Variants in LRBA observed in about 807,000 individuals in gnomAD.
LRBA encodes LPS responsive beige-like anchor protein.
LRBA carries 176 observed loss-of-function variants against 330.0 expected under a neutral mutation model. The observed-to-expected ratio is 0.53, with a 90% CI of 0.47 to 0.60. LRBA has a LOEUF of 0.60. Ranked by LOEUF, LRBA falls within the 20% of genes least tolerant of loss-of-function variation. LRBA has a pLI of 0.00. For synonymous variants in LRBA, 1,230 were observed against 1,193.0 expected (o/e 1.03, Z -0.64); for missense variants, 3,259 against 3,444.8 (o/e 0.95, Z 1.35).
At chr4:150,849,119 G>C (rs1242988904) in intron 25 of LRBA, 121 bp from the exon 26 acceptor site, 2 of 662,552 alleles carry the variant, frequency 3.0e-6, no homozygotes, top group East Asian at 2.9e-5. Flanking sequence ...TAGTAACACA[G>C]AGTGATTTAT....
At position 150,280,890 on chromosome 4, in the gene LRBA, T is replaced by C. The variant is rs141454683; in HGVS notation, c.8316+1560A>G. On this transcript the variant is annotated intron_variant, in intron 55 of 56. Coordinates refer to ENST00000651943, the MANE Select transcript of LRBA (RefSeq NM_001364905.1). The stretch of plus-strand genomic sequence containing the variant: ...AGGCAAGCTCGCTTTAATCACACAG[T>C]TGCCACTTGCAAGTTAGCATGATAA... Among the ~76,000 whole-genome samples the C allele has an allele frequency of 2.6e-5, 4 of 152,284 alleles. No homozygotes were observed. In the East Asian group the frequency reaches 7.7e-4, roughly 29 times the overall value.
intron 2 of LRBA, among the ~76,000 whole-genome samples, chr4:150,955,931 T>G (rs1253861726): frequency 6.7e-6 from 1 of 148,410 alleles, no homozygotes; most frequent in African/African-American, 2.6e-5. Flanking sequence ...TCTTAAACCC[T>G]ACAAAAGAAG....
At chr4:150,998,732 G>A (rs1239377078) in intron 2 of LRBA, among the ~76,000 whole-genome samples, 1 of 152,094 alleles carries the variant, frequency 6.6e-6, no homozygotes, top group Non-Finnish European at 1.5e-5. Context: ...TCTATATTTT[G>A]TTTTGGTAAT....
intron 40 of LRBA, among the ~76,000 whole-genome samples, chr4:150,578,436 A>T (rs1008458447): frequency 2.6e-5 from 4 of 152,142 alleles, no homozygotes; most frequent in Non-Finnish European, 5.9e-5. Context: ...TAAATAGTTA[A>T]TTTTTTATTT....
intron 35 of LRBA, among the ~76,000 whole-genome samples, chr4:150,761,388 T>TC (rs1469036557): frequency 6.6e-6 from 1 of 151,922 alleles, no homozygotes; most frequent in Non-Finnish European, 1.5e-5. Context: ...GCGAAACTTG[T>TC]CCCCCCTCCC....
chr4:150,897,839 T>C, intron 14 of LRBA, 21 bp from the exon 15 acceptor site: 2 of 1,516,080 alleles, frequency 1.3e-6, no homozygotes, highest in Non-Finnish European at 1.8e-6. Flanking sequence ...AATATACACA[T>C]ACACATTTAG....
rs1415680272 is a variant in LRBA at position 150,849,407 on chromosome 4, T to C, written c.4158+15A>G. 1.2e-6 allele frequency: 2 copies of C among 1,610,972 alleles called. No individual in the cohort carries two copies. The highest frequency in any genetic ancestry group is 4.5e-5 in the East Asian group (2 of 44,862). On this transcript the variant is annotated intron_variant, in intron 25 of 56. Transcript: ENST00000651943. ...ATGTTTTCACACCAATTTTCTATAG[T>C]AATTAAGTCCTTACTGTAGCCGATG... is the stretch of plus-strand genomic sequence containing the variant.
At chr4:150,599,643 A>G (rs1773905675) in intron 37 of LRBA, among the ~76,000 whole-genome samples, 1 of 152,222 alleles carries the variant, frequency 6.6e-6, no homozygotes, top group African/African-American at 2.4e-5. Context: ...TGGTCCAGAA[A>G]GTGTTAACTT....
chr4:150,456,768 A>T (rs1228809031), intron 44 of LRBA, among the ~76,000 whole-genome samples: 1 of 151,948 alleles, frequency 6.6e-6, no homozygotes, highest in Non-Finnish European at 1.5e-5. Context: ...TGTCTTGGAG[A>T]GTTTCCCCAA....
chr4:150,983,353 G>T (rs1741066505), intron 2 of LRBA, among the ~76,000 whole-genome samples: 1 of 151,762 alleles, frequency 6.6e-6, no homozygotes, highest in African/African-American at 2.4e-5. Flanking sequence ...TACTGAGGAA[G>T]TTGAGGCAGA....
intron 2 of LRBA, among the ~76,000 whole-genome samples, chr4:150,978,504 A>G (rs1306095865): frequency 6.6e-6 from 1 of 152,216 alleles, no homozygotes; most frequent in East Asian, 1.9e-4. Flanking sequence ...AACACTTCCT[A>G]GGAAAACATG....
intron 47 of LRBA, among the ~76,000 whole-genome samples, chr4:150,403,889 AG>A (rs1330629860): frequency 6.6e-6 from 1 of 151,958 alleles, no homozygotes; most frequent in African/African-American, 2.4e-5. Flanking sequence ...AAAATTAGCC[AG>A]GTGTGGTGGT....
At chr4:150,823,567 AT>A (rs962537540) in intron 30 of LRBA, among the ~76,000 whole-genome samples, 2 of 151,604 alleles carry the variant, frequency 1.3e-5, no homozygotes, top group Admixed American at 6.6e-5. Context: ...TTTTCCAATG[AT>A]TTTTTTTCAG....
At chr4:150,827,396 C>T (rs1746425226) in intron 30 of LRBA, among the ~76,000 whole-genome samples, 1 of 152,044 alleles carries the variant, frequency 6.6e-6, no homozygotes. Flanking sequence ...TAAATTTACA[C>T]CAAGTGTGTC....
intron 46 of LRBA, chr4:150,422,743 G>C: frequency 1.9e-6 from 2 of 1,075,444 alleles, no homozygotes; most frequent in Non-Finnish European, 1.4e-6. Context: ...GGCCCAAAGG[G>C]CTTCTTCATG....
intron 40 of LRBA, among the ~76,000 whole-genome samples, chr4:150,528,609 C>CT (rs969273584): frequency 2.2e-4 from 34 of 151,998 alleles, no homozygotes; most frequent in Non-Finnish European, 4.7e-4. Context: ...CCCCCTCTCC[C>CT]TTTTTTTATT....
chr4:150,519,527 T>C (rs1762710163), intron 40 of LRBA, among the ~76,000 whole-genome samples: 1 of 152,202 alleles, frequency 6.6e-6, no homozygotes, highest in African/African-American at 2.4e-5. Flanking sequence ...TTCCAAGTTG[T>C]TCTGTGTATT....
intron 47 of LRBA, among the ~76,000 whole-genome samples, chr4:150,392,141 C>CT (rs1581188205): frequency 6.6e-6 from 1 of 152,114 alleles, no homozygotes; most frequent in East Asian, 1.9e-4. Flanking sequence ...CCCAACATAC[C>CT]TTCATTTGCT....
chr4:150,661,200 G>A (rs1473617808), intron 37 of LRBA, among the ~76,000 whole-genome samples: 6 of 151,626 alleles, frequency 4.0e-5, no homozygotes, highest in Non-Finnish European at 5.9e-5. Flanking sequence ...GCCAGGCATG[G>A]TGGCTCACAC....
Sources: allele counts gnomAD v4.1 joint callset (sites outside exome capture counted in the v4.1 genomes callset), GRCh38; gene constraint gnomAD v4.1.1; transcripts MANE v1.5; gene names NCBI Gene and HGNC (gene_info 2026-07-23, HGNC 2026-07-21).